Variants in MAP3K5 observed in about 807,000 individuals in gnomAD.
MAP3K5 encodes the protein mitogen-activated protein kinase kinase kinase 5, also known as ASK-1.
Under a neutral mutation model 158.7 loss-of-function variants are expected in MAP3K5, and 56 were observed. That is an observed-to-expected ratio of 0.35 (90% CI 0.28 to 0.44). MAP3K5 has a LOEUF of 0.44. Among genes scored for constraint, MAP3K5 ranks in the 20% least tolerant of loss-of-function variants. The pLI is 1.00. For missense variants in MAP3K5, 1,294 were observed against 1,674.8 expected (o/e 0.77, Z 3.97); for synonymous variants, 579 against 601.7 (o/e 0.96, Z 0.55).
chr6:136,669,997 G>C (rs1012305020), intron 7 of MAP3K5, among the ~76,000 whole-genome samples: 2 of 151,614 alleles, frequency 1.3e-5, no homozygotes, highest in Non-Finnish European at 1.5e-5. Context: ...AATATACAGA[G>C]CACTGAGGAT....
intron 7 of MAP3K5, among the ~76,000 whole-genome samples, chr6:136,674,535 A>T (rs965191847): frequency 2.0e-5 from 3 of 152,050 alleles, no homozygotes; most frequent in Admixed American, 1.3e-4. Context: ...GAGGACTAAA[A>T]GAACAAAAAA....
In MAP3K5 at chr6:136,792,298, T is replaced by C; in HGVS notation, c.-141A>G. Reference sequence around the variant, plus strand: ...GCGCCCTCGCCGCCGCGCCGCCGCCTCCTCTCCGGCGCCCTCTCCCCCGAG... The same window carrying C: ...GCGCCCTCGCCGCCGCGCCGCCGCCCCCTCTCCGGCGCCCTCTCCCCCGAG... On this transcript the variant is annotated 5_prime_UTR_variant, in exon 1 of 30. Transcript: ENST00000359015. This position sits in a 1 kb window ranked among gnomAD's most constrained non-coding sequence, Gnocchi z 5.7. 9.4e-7 allele frequency: 1 copy of C among 1,063,808 alleles called. No homozygotes were observed. The highest frequency in any genetic ancestry group is 1.1e-6 in the Non-Finnish European group (1 of 888,030). The allele number at this position is 1,063,808 out of a possible 1,614,324, so 65.9% of individuals were successfully genotyped here. A position where few individuals can be genotyped will look rare whatever the true frequency, so the allele number is the denominator to read the frequency against.
chr6:136,661,245 C>T (rs1778992618), intron 8 of MAP3K5, among the ~76,000 whole-genome samples: 1 of 151,960 alleles, frequency 6.6e-6, no homozygotes, highest in African/African-American at 2.4e-5. Context: ...CCACTCAAAC[C>T]ACAAGTATTT....
chr6:136,791,705 C>A lies in MAP3K5; in HGVS notation c.448+5G>T, dbSNP rs1785085119. 2 of 1,612,984 alleles carry A rather than the reference C, an allele frequency of 1.2e-6. No homozygotes were observed. Among genetic ancestry groups the A allele is most frequent in the Non-Finnish European group, 1.7e-6 (2 of 1,179,900 alleles). On this transcript the variant is annotated splice_donor_5th_base_variant and intron_variant, in intron 1 of 29. Coordinates refer to ENST00000359015, the MANE Select transcript of MAP3K5 (RefSeq NM_005923.4). ...CGCGGGATGGGAAAGGGGTCACACA[C>A]GCACCTGCATTGTAAAAGCGGTCCA...
At position 136,613,257 on chromosome 6, in the gene MAP3K5, C is replaced by T. The variant is rs1355077438; in HGVS notation, c.2279-1G>A. ...GAACGAAGGAGAGCAGAAAGACTTC[C>T]TGTAAAGTAGGGATAAATAGTAAAT... is the stretch of plus-strand genomic sequence containing the variant. On this transcript the variant is annotated splice_acceptor_variant, in intron 16 of 29. Transcript: ENST00000359015. LOFTEE classifies it high-confidence loss of function. This position sits in a 1 kb window ranked among gnomAD's most constrained non-coding sequence, Gnocchi z 4.0. 1.2e-6 allele frequency: 2 copies of T among 1,611,546 alleles called. No individual in the cohort carries two copies. Among genetic ancestry groups the T allele is most frequent in the South Asian group, 2.2e-5 (2 of 90,658 alleles).
chr6:136,708,667 C>T (rs1362650627), intron 2 of MAP3K5, among the ~76,000 whole-genome samples: 1 of 152,138 alleles, frequency 6.6e-6, no homozygotes, highest in Non-Finnish European at 1.5e-5. Flanking sequence ...AATCAAGGGA[C>T]AGATGAGTGG....
intron 3 of MAP3K5, among the ~76,000 whole-genome samples, chr6:136,702,359 G>A (rs901711409): frequency 6.6e-6 from 1 of 152,120 alleles, no homozygotes; most frequent in Non-Finnish European, 1.5e-5. Context: ...GCAAAATAAT[G>A]AAAACTAATA....
intron 2 of MAP3K5, 71 bp from the exon 3 acceptor site, chr6:136,705,204 T>TA: frequency 1.4e-6 from 1 of 719,520 alleles, no homozygotes; most frequent in Non-Finnish European, 2.3e-6. Flanking sequence ...TTTATTGAAC[T>TA]ATGTGGGAAA....
chr6:136,736,360 G>C (rs1782461798), intron 1 of MAP3K5, among the ~76,000 whole-genome samples: 1 of 152,130 alleles, frequency 6.6e-6, no homozygotes, highest in Non-Finnish European at 1.5e-5. Context: ...AATAGTTTTT[G>C]TTCAAATTTA....
chr6:136,647,881 T>C (rs573010109), intron 11 of MAP3K5: 2 of 152,344 alleles, frequency 1.3e-5, no homozygotes, highest in South Asian at 2.1e-4. Context: ...CAAGAACCCA[T>C]AATGTCCTCC....
chr6:136,605,158 A>G (rs1404317281), intron 19 of MAP3K5, 51 bp downstream of exon 19: 1 of 1,573,914 alleles, frequency 6.4e-7, no homozygotes, highest in Admixed American at 1.8e-5. Context: ...AGAACATCCA[A>G]CAGCTATAAA....
intron 1 of MAP3K5, among the ~76,000 whole-genome samples, chr6:136,721,007 G>A (rs555626088): frequency 2.6e-5 from 4 of 152,054 alleles, no homozygotes; most frequent in African/African-American, 4.8e-5. Context: ...TCAAACTCCC[G>A]GCCTCAAATA....
At chr6:136,690,316 G>GTT (rs549291320) in intron 7 of MAP3K5, among the ~76,000 whole-genome samples, 44 of 151,164 alleles carry the variant, frequency 2.9e-4, no homozygotes, top group Non-Finnish European at 5.6e-4. Flanking sequence ...CTTTTTTAAA[G>GTT]TTTTTTTTTA....
At chr6:136,578,853 C>T (rs1223569255) in intron 25 of MAP3K5, among the ~76,000 whole-genome samples, 1 of 151,846 alleles carries the variant, frequency 6.6e-6, no homozygotes, top group Non-Finnish European at 1.5e-5. Context: ...GTTTGTAGTA[C>T]CATTTATAAA....
intron 1 of MAP3K5, among the ~76,000 whole-genome samples, chr6:136,752,107 G>A (rs1157871687): frequency 6.6e-6 from 1 of 151,516 alleles, no homozygotes; most frequent in African/African-American, 2.4e-5. Context: ...TCCTTCTCCC[G>A]TTCCCTCTCT....
intron 3 of MAP3K5, among the ~76,000 whole-genome samples, chr6:136,701,220 C>T (rs1780841618): frequency 6.6e-6 from 1 of 152,230 alleles, no homozygotes; most frequent in Non-Finnish European, 1.5e-5. Context: ...AGCAGACACA[C>T]CTGCTCTCTA....
chr6:136,648,483 A>C lies in MAP3K5; in HGVS notation c.1788+2501T>G, dbSNP rs539855798. 3.9e-5 allele frequency among the ~76,000 whole-genome samples: 6 copies of C among 152,284 alleles called. No individual in the cohort carries two copies. In the South Asian group the frequency reaches 1.2e-3, roughly 32 times the overall value. ...GCTCGGTATTGCTCAGTGCTACTAG[A>C]TGGACTTGGTGTTGAGAGCATGAGA... On this transcript the variant is annotated intron_variant, in intron 11 of 29. Transcript: ENST00000359015.
At chr6:136,688,897 T>G (rs2114632070) in intron 7 of MAP3K5, among the ~76,000 whole-genome samples, 1 of 152,276 alleles carries the variant, frequency 6.6e-6, no homozygotes, top group Non-Finnish European at 1.5e-5. Flanking sequence ...GCTTCTCAAA[T>G]ATCTGATTCT....
chr6:136,716,938 A>G (rs1246541741), intron 2 of MAP3K5, among the ~76,000 whole-genome samples: 2 of 152,148 alleles, frequency 1.3e-5, no homozygotes, highest in Non-Finnish European at 1.5e-5. Flanking sequence ...TGGGCAGATT[A>G]CTTGAGGTCA....
Sources: gnomAD v4.1 joint callset for allele counts (sites outside exome capture counted in the v4.1 genomes callset) on GRCh38, gnomAD v4.1.1 for gene constraint, Gnocchi (gnomAD v3.1) non-coding constraint, MANE v1.5 for transcripts, NCBI Gene and HGNC (gene_info 2026-07-23, HGNC 2026-07-21) for gene names.